GALNT1: variants seen among roughly 807,000 people sequenced by gnomAD.
GALNT1 encodes polypeptide N-acetylgalactosaminyltransferase 1.
GALNT1 carries 17 observed loss-of-function variants against 65.7 expected under a neutral mutation model. The observed-to-expected ratio is 0.26, with a 90% CI of 0.18 to 0.39. The LOEUF (loss-of-function observed/expected upper bound fraction) is 0.39, where lower values mean the gene tolerates loss of function less well. Among genes scored for constraint, GALNT1 ranks in the 10% least tolerant of loss-of-function variants. The pLI is 1.00. For missense variants in GALNT1, 460 were observed against 672.8 expected, an observed-to-expected ratio of 0.68 and a Z score of 3.50; for synonymous variants, 210 against 219.7, an observed-to-expected ratio of 0.96 and a Z score of 0.39.
intron 9 of GALNT1, 152 bp from the exon 10 acceptor site, chr18:35,702,745 A>T (rs1568037221): frequency 1.1e-5 from 5 of 443,142 alleles, no homozygotes; most frequent in Non-Finnish European, 2.0e-5. Context: ...AGACCAATGA[A>T]TTTTAGATAC....
intron 1 of GALNT1, among the ~76,000 whole-genome samples, chr18:35,611,849 G>C (rs2046722151): frequency 6.6e-6 from 1 of 152,172 alleles, no homozygotes; most frequent in Non-Finnish European, 1.5e-5. Context: ...GTGTAAAACT[G>C]TTTCTAATCT....
chr18:35,675,043 C>T (rs1568029936), intron 3 of GALNT1, among the ~76,000 whole-genome samples: 1 of 143,514 alleles, frequency 7.0e-6, no homozygotes. Flanking sequence ...AAAAGTCTCA[C>T]TTGGGCAAGT....
At chr18:35,619,951 C>G (rs1209055675) in intron 1 of GALNT1, among the ~76,000 whole-genome samples, 1 of 152,134 alleles carries the variant, frequency 6.6e-6, no homozygotes, top group Non-Finnish European at 1.5e-5. Context: ...ACCACCTCTC[C>G]TCTGAGTCTT....
chr18:35,695,234 TAGG>T (rs1281939238), intron 9 of GALNT1, among the ~76,000 whole-genome samples: 1 of 145,582 alleles, frequency 6.9e-6, no homozygotes, highest in Non-Finnish European at 1.5e-5. Flanking sequence ...TTTGGGTGGA[TAGG>T]AGGTGAAATC....
intron 1 of GALNT1, among the ~76,000 whole-genome samples, chr18:35,590,047 T>A (rs1013721425): frequency 6.6e-6 from 1 of 152,206 alleles, no homozygotes; most frequent in African/African-American, 2.4e-5. Context: ...ACTGCTTGAT[T>A]CTTTTTAAAA....
chr18:35,710,473 G>GA lies in GALNT1; in HGVS notation c.*712dup, dbSNP rs141170687. The GA allele has an allele frequency of 0.043, 6,474 of 149,832 alleles. 177 individuals carry two copies. The highest frequency in any genetic ancestry group is 0.058 in the Non-Finnish European group (3,887 of 67,202). 9.3% of individuals were successfully genotyped at this position (149,832 alleles called of 1,614,324 possible). A position where few individuals can be genotyped will look rare whatever the true frequency, so the allele number is the denominator to read the frequency against. ...TTCCTTGGGGTGCTGAAATTGAGCT[G>GA]AAAAAAAAAGGCTCTTTGAATATAG... On this transcript the variant is annotated 3_prime_UTR_variant, in exon 12 of 12. Coordinates refer to ENST00000269195, the MANE Select transcript of GALNT1 (RefSeq NM_020474.4).
rs1048260360 is a variant in GALNT1 at position 35,709,529 on chromosome 18, A to C, written c.1534-95A>C. ...TTTAAATAATGTATATTACCAAAAA[A>C]AACACCTTTTCTGCAGAGGAACTTA... On this transcript the variant is annotated intron_variant, in intron 11 of 11. Coordinates refer to ENST00000269195, the MANE Select transcript of GALNT1 (RefSeq NM_020474.4). 1.9e-5 allele frequency: 26 copies of C among 1,347,194 alleles called. No individual in the cohort carries two copies. In the African/African-American group the frequency reaches 2.8e-4, roughly 15 times the overall value. 83.5% of individuals were successfully genotyped at this position (1,347,194 alleles called of 1,614,324 possible).
chr18:35,588,312 A>C (rs565258956), intron 1 of GALNT1, among the ~76,000 whole-genome samples: 19 of 151,994 alleles, frequency 1.3e-4, no homozygotes, highest in African/African-American at 4.3e-4. Flanking sequence ...CATTCTAATA[A>C]TTTTTCCTCT....
rs765511214 is a variant in GALNT1 at position 35,663,659 on chromosome 18, T to A, written c.171T>A (p.Gly57=). The A allele has an allele frequency of 1.2e-6, 2 of 1,613,864 alleles. No individual in the cohort carries two copies. The highest frequency in any genetic ancestry group is 1.7e-6 in the Non-Finnish European group (2 of 1,179,908). Reference sequence around the variant, plus strand: ...AGCCAGTACAAAAGCCTCATGAAGGTCCTGGAGAAATGGGGAAACCAGTCG... The same window carrying A: ...AGCCAGTACAAAAGCCTCATGAAGGACCTGGAGAAATGGGGAAACCAGTCG... ...VLEPVQKPHE[G]PGEMGKPVVI... The change falls in exon 3 of 12, where the codon GGT becomes GGA. Residue 57 remains glycine, a synonymous_variant. Transcript: ENST00000269195.
chr18:35,584,960 C>G (rs961665433), intron 1 of GALNT1, among the ~76,000 whole-genome samples: 6 of 152,118 alleles, frequency 3.9e-5, no homozygotes, highest in Non-Finnish European at 7.4e-5. Context: ...TGTGCCACAC[C>G]CAGTGCTGTA....
chr18:35,605,307 G>T (rs567079441), intron 1 of GALNT1, among the ~76,000 whole-genome samples: 1 of 152,076 alleles, frequency 6.6e-6, no homozygotes, highest in African/African-American at 2.4e-5. Flanking sequence ...AGACCAGCCT[G>T]GCCAACATGG....
chr18:35,692,153 A>T (rs1443113164), intron 8 of GALNT1, 28 bp from the exon 9 acceptor site: 1 of 1,587,258 alleles, frequency 6.3e-7, no homozygotes, highest in Non-Finnish European at 8.6e-7. Flanking sequence ...AACACTAATA[A>T]TTCAGAGTCA....
chr18:35,648,052 AAGGG>A (rs1568023457), intron 1 of GALNT1, among the ~76,000 whole-genome samples: 20 of 143,034 alleles, frequency 1.4e-4, no homozygotes, highest in African/African-American at 4.9e-4. Context: ...AAGAAGAAGG[AAGGG>A]AGGAAGTGAG....
intron 1 of GALNT1, among the ~76,000 whole-genome samples, chr18:35,609,751 G>A (rs2046693579): frequency 2.6e-5 from 4 of 152,236 alleles, no homozygotes; most frequent in Middle Eastern, 6.8e-3. Context: ...AAAAAATATT[G>A]ATTGTAATCA....
At chr18:35,689,037 G>A (rs531116511) in intron 6 of GALNT1, 136 bp from the exon 7 acceptor site, 39 of 668,910 alleles carry the variant, frequency 5.8e-5, no homozygotes, top group African/African-American at 2.7e-4. Context: ...CCCCTGGGGC[G>A]TATGAAAGTT....
intron 1 of GALNT1, among the ~76,000 whole-genome samples, chr18:35,601,230 G>T (rs1468477811): frequency 2.6e-5 from 4 of 151,922 alleles, no homozygotes; most frequent in Non-Finnish European, 2.9e-5. Flanking sequence ...ATTTTTTGGT[G>T]TATAGTTCTT....
At chr18:35,598,906 C>G (rs2046540618) in intron 1 of GALNT1, among the ~76,000 whole-genome samples, 1 of 151,688 alleles carries the variant, frequency 6.6e-6, no homozygotes. Flanking sequence ...TTTTCTTGTC[C>G]TTGTAGTAAA....
At chr18:35,664,697 GAAGGTAATAC>G (rs1268668657) in intron 3 of GALNT1, among the ~76,000 whole-genome samples, 1 of 152,240 alleles carries the variant, frequency 6.6e-6, no homozygotes, top group Non-Finnish European at 1.5e-5. Flanking sequence ...TCCATAAGAA[GAAGGTAATAC>G]AAGGTACTAG....
At chr18:35,667,729 T>C (rs774346801) in intron 3 of GALNT1, among the ~76,000 whole-genome samples, 2 of 152,232 alleles carry the variant, frequency 1.3e-5, no homozygotes, top group Non-Finnish European at 2.9e-5. Flanking sequence ...TTTCTCAGCC[T>C]ACATTTTGCT....
Sources: gnomAD v4.1 joint callset for allele counts (sites outside exome capture counted in the v4.1 genomes callset) on GRCh38, gnomAD v4.1.1 for gene constraint, MANE v1.5 for transcripts, NCBI Gene and HGNC (gene_info 2026-07-23, HGNC 2026-07-21) for gene names.